Variants in SUFU observed in about 807,000 individuals in gnomAD.
SUFU encodes SUFU negative regulator of hedgehog signaling.
Under a neutral mutation model 58.9 loss-of-function variants are expected in SUFU, and 7 were observed. The observed-to-expected ratio is 0.12, with a 90% CI of 0.07 to 0.22. The LOEUF (loss-of-function observed/expected upper bound fraction) is 0.22. Among genes scored for constraint, SUFU ranks in the 10% least tolerant of loss-of-function variants. The pLI, the probability that SUFU is intolerant of heterozygous loss-of-function variation, is 1.00. For missense variants in SUFU, 451 were observed against 641.3 expected (o/e 0.70, Z 3.20); for synonymous variants, 232 against 254.8 (o/e 0.91, Z 0.85).
rs1014344170 is a variant in SUFU at position 102,628,405 on chromosome 10, C to T, written c.1365+1162C>T. On this transcript the variant is annotated intron_variant, in intron 11 of 11. Coordinates refer to ENST00000369902, the MANE Select transcript of SUFU (RefSeq NM_016169.4). This position sits in a 1 kb window ranked among gnomAD's most constrained non-coding sequence, Gnocchi z 4.5. ...GTTCATTTATATATTCCAAAGCCAT[C>T]AAGCACCCAGTCCATGCCAGCCAAT... is the stretch of plus-strand genomic sequence containing the variant. 7.9e-5 allele frequency among the ~76,000 whole-genome samples: 12 copies of T among 152,184 alleles called. No individual in the cohort carries two copies. Among genetic ancestry groups the T allele is most frequent in the Non-Finnish European group, 1.6e-4 (11 of 68,034 alleles).
intron 9 of SUFU, among the ~76,000 whole-genome samples, chr10:102,615,886 G>A (rs1252359359): frequency 3.3e-5 from 5 of 152,120 alleles, no homozygotes; most frequent in African/African-American, 4.8e-5. Context: ...GACCTTCCTC[G>A]TTCGCAAGTT....
At chr10:102,516,167 C>T (rs1345554975) in intron 2 of SUFU, among the ~76,000 whole-genome samples, 2 of 114,130 alleles carry the variant, frequency 1.8e-5, no homozygotes, top group Non-Finnish European at 3.6e-5. Context: ...CCTTTGTTGC[C>T]GAGGCTGGAG....
chr10:102,606,969 T>G (rs1402879636), intron 8 of SUFU, among the ~76,000 whole-genome samples: 1 of 152,008 alleles, frequency 6.6e-6, no homozygotes, highest in Non-Finnish European at 1.5e-5. Context: ...AAGGATCCTC[T>G]GGAGAAATGT....
At chr10:102,519,275 A>G (rs969202104) in intron 2 of SUFU, among the ~76,000 whole-genome samples, 1 of 152,008 alleles carries the variant, frequency 6.6e-6, no homozygotes, top group Admixed American at 6.6e-5. Context: ...GTGTAATCCC[A>G]GCACTTTGGG....
chr10:102,512,747 C>G (rs1176018551), intron 2 of SUFU, among the ~76,000 whole-genome samples: 1 of 152,182 alleles, frequency 6.6e-6, no homozygotes, highest in Non-Finnish European at 1.5e-5. Context: ...TTACCCAGTT[C>G]TGGTCTATGT....
At chr10:102,616,868 G>A (rs1368153652) in intron 9 of SUFU, among the ~76,000 whole-genome samples, 3 of 152,162 alleles carry the variant, frequency 2.0e-5, no homozygotes, top group Admixed American at 1.3e-4. Context: ...CTATCCCATC[G>A]TCCCAGGGAA....
At chr10:102,545,711 C>T (rs1284648595) in intron 2 of SUFU, among the ~76,000 whole-genome samples, 1 of 152,164 alleles carries the variant, frequency 6.6e-6, no homozygotes, top group Non-Finnish European at 1.5e-5. Context: ...CAGTGGCTCA[C>T]GCCTGTAATC....
At chr10:102,580,219 G>A (rs1197483573) in intron 3 of SUFU, among the ~76,000 whole-genome samples, 1 of 152,104 alleles carries the variant, frequency 6.6e-6, no homozygotes, top group Non-Finnish European at 1.5e-5. Context: ...GAAAGGCAGG[G>A]GTGCGAAATT....
At position 102,628,652 on chromosome 10, in the gene SUFU, T is replaced by C. The variant is rs1392542498; in HGVS notation, c.1365+1409T>C. On this transcript the variant is annotated intron_variant, in intron 11 of 11. Coordinates refer to ENST00000369902, the MANE Select transcript of SUFU (RefSeq NM_016169.4). The surrounding 1 kb of genome is among the most constrained non-coding windows in gnomAD (Gnocchi z 4.5). The stretch of plus-strand genomic sequence containing the variant: ...GTCACTAAAAATGACTTTTTTCTTT[T>C]TTTCCTTTTCTGTCCAGAGGCTGTC... 6.6e-6 allele frequency among the ~76,000 whole-genome samples: 1 copy of C among 152,114 alleles called. No individual in the cohort carries two copies. Among genetic ancestry groups the C allele is most frequent in the Non-Finnish European group, 1.5e-5 (1 of 68,026 alleles).
chr10:102,626,444 G>A (rs1372207016), intron 10 of SUFU, among the ~76,000 whole-genome samples: 2 of 152,192 alleles, frequency 1.3e-5, no homozygotes, highest in South Asian at 2.1e-4. Flanking sequence ...GCAATGAGGT[G>A]TCAGACTAGA....
chr10:102,601,922 G>A (rs143207116), intron 8 of SUFU, among the ~76,000 whole-genome samples: 1 of 152,298 alleles, frequency 6.6e-6, no homozygotes, highest in African/African-American at 2.4e-5. Context: ...CTGGGCCAGG[G>A]AGCTCTTATG....
chr10:102,621,940 T>C (rs2063743092), intron 10 of SUFU, among the ~76,000 whole-genome samples: 1 of 152,248 alleles, frequency 6.6e-6, no homozygotes, highest in African/African-American at 2.4e-5. Flanking sequence ...GCAGCCTGGC[T>C]TGCCCAGGGC....
chr10:102,567,818 G>A (rs1233567549), intron 3 of SUFU, among the ~76,000 whole-genome samples: 2 of 152,086 alleles, frequency 1.3e-5, no homozygotes, highest in African/African-American at 4.8e-5. Context: ...ACTGTGCTGG[G>A]CAGGGAACAC....
At chr10:102,627,360 G>A in intron 11 of SUFU, 117 bp downstream of exon 11, 2 of 962,264 alleles carry the variant, frequency 2.1e-6, no homozygotes, top group Admixed American at 1.7e-5. Flanking sequence ...GTGTGTGCTT[G>A]CATGTATCTG....
chr10:102,518,798 T>A (rs2062507320), intron 2 of SUFU, among the ~76,000 whole-genome samples: 1 of 151,632 alleles, frequency 6.6e-6, no homozygotes, highest in South Asian at 2.1e-4. Flanking sequence ...CCCAAAGTGC[T>A]GGGATTATAG....
intron 2 of SUFU, among the ~76,000 whole-genome samples, chr10:102,518,519 G>GTCTATCTA (rs376596356): frequency 0.16 from 23,624 of 146,810 alleles, 2,319 homozygotes; most frequent in East Asian, 0.37. Context: ...CTGTCTGTCT[G>GTCTATCTA]TCTATCTATC....
At chr10:102,556,783 G>A (rs1053133886) in intron 3 of SUFU, among the ~76,000 whole-genome samples, 3 of 150,810 alleles carry the variant, frequency 2.0e-5, no homozygotes, top group Admixed American at 6.6e-5. Context: ...GAAGAAGGAA[G>A]GGAGGAAGGA....
intron 2 of SUFU, among the ~76,000 whole-genome samples, chr10:102,518,228 C>T (rs1336633990): frequency 6.6e-6 from 1 of 152,102 alleles, no homozygotes; most frequent in African/African-American, 2.4e-5. Context: ...CCTTATTTTA[C>T]ACATAAGGAA....
rs2063834812 is a variant in SUFU at position 102,631,246 on chromosome 10, T to A, written c.*1091T>A. 1 of 233,554 alleles carries A rather than the reference T, an allele frequency of 4.3e-6. No homozygotes were observed. The highest frequency in any genetic ancestry group is 6.0e-5 in the East Asian group (1 of 16,596). 14.5% of individuals were successfully genotyped at this position (233,554 alleles called of 1,614,324 possible). On this transcript the variant is annotated 3_prime_UTR_variant, in exon 12 of 12. Transcript: ENST00000369902. Reference sequence around the variant, plus strand: ...CTTAACATCTCTTTCACTTTGGTTTTGCTAACACTGCTCTCTGCTGCCCTC... The same window carrying A: ...CTTAACATCTCTTTCACTTTGGTTTAGCTAACACTGCTCTCTGCTGCCCTC...
Sources: allele counts gnomAD v4.1 joint callset (sites outside exome capture counted in the v4.1 genomes callset), GRCh38; gene constraint gnomAD v4.1.1; non-coding constraint Gnocchi (gnomAD v3.1); transcripts MANE v1.5; gene names NCBI Gene and HGNC (gene_info 2026-07-23, HGNC 2026-07-21).